Variants in CNTN5 observed in about 807,000 individuals in gnomAD.
CNTN5 encodes the protein contactin 5, also known as contactin-5.
CNTN5 carries 77 observed loss-of-function variants against 129.1 expected under a neutral mutation model. The observed-to-expected ratio is 0.60, with a 90% CI of 0.50 to 0.72. The LOEUF (loss-of-function observed/expected upper bound fraction) is 0.72, where lower values mean the gene tolerates loss of function less well. CNTN5 is among the 30% of genes least tolerant of loss of function. The probability of loss-of-function intolerance (pLI) is 0.00; values close to 1 mark genes in which losing one functional copy is unlikely to be tolerated. For missense variants in CNTN5, 1,478 were observed against 1,328.8 expected, an observed-to-expected ratio of 1.11 and a Z score of -1.75; for synonymous variants, 509 against 465.6, an observed-to-expected ratio of 1.09 and a Z score of -1.20.
At chr11:99,379,190 T>TC (rs1037423980) in intron 2 of CNTN5, among the ~76,000 whole-genome samples, 1 of 150,446 alleles carries the variant, frequency 6.6e-6, no homozygotes, top group African/African-American at 2.4e-5. Context: ...CTTTTTTTTT[T>TC]TTTACTGTTG....
At chr11:99,915,611 C>A (rs1340726064) in intron 6 of CNTN5, among the ~76,000 whole-genome samples, 2 of 152,154 alleles carry the variant, frequency 1.3e-5, no homozygotes, top group Non-Finnish European at 2.9e-5. Flanking sequence ...TTGGCATGCT[C>A]ATGCTTGGTT....
At chr11:99,185,740 T>C (rs915827941) in intron 1 of CNTN5, among the ~76,000 whole-genome samples, 2 of 151,718 alleles carry the variant, frequency 1.3e-5, no homozygotes, top group Non-Finnish European at 3.0e-5. Context: ...TATTTTTCTC[T>C]TTGGTGAAAA....
intron 13 of CNTN5, among the ~76,000 whole-genome samples, chr11:100,112,754 AAAG>A (rs1474146408): frequency 4.6e-5 from 7 of 152,186 alleles, no homozygotes; most frequent in Non-Finnish European, 1.0e-4. Context: ...GTTTAAAAAT[AAAG>A]AAGTGAAAGT....
intron 2 of CNTN5, among the ~76,000 whole-genome samples, chr11:99,502,599 C>G (rs537699459): frequency 8.2e-4 from 125 of 152,224 alleles, no homozygotes; most frequent in African/African-American, 2.9e-3. Context: ...TGAGACCTCC[C>G]CAAGCATGCT....
chr11:100,267,854 G>T (rs1259837428), intron 17 of CNTN5, among the ~76,000 whole-genome samples: 3 of 152,248 alleles, frequency 2.0e-5, no homozygotes, highest in South Asian at 4.1e-4. Flanking sequence ...AGTGAAGAGT[G>T]ACTAAACTAT....
At position 100,204,876 on chromosome 11, in the gene CNTN5, G is replaced by A. The variant is rs1948881926; in HGVS notation, c.1884+11213G>A. Among the ~76,000 whole-genome samples the A allele has an allele frequency of 2.0e-5, 3 of 151,954 alleles. 1 individual carries two copies. In the South Asian group the frequency reaches 6.2e-4, roughly 31 times the overall value. ...AGGAGAATGCCCTACATATATGTAT[G>A]TATCTAGGAGATATAATTTAACCTG... On this transcript the variant is annotated intron_variant, in intron 15 of 24. Coordinates refer to ENST00000524871, the MANE Select transcript of CNTN5 (RefSeq NM_014361.4).
intron 3 of CNTN5, among the ~76,000 whole-genome samples, chr11:99,722,947 A>C (rs1432662961): frequency 6.6e-6 from 1 of 152,016 alleles, no homozygotes; most frequent in Non-Finnish European, 1.5e-5. Context: ...TTCCATTGTC[A>C]CTTCATAGAT....
intron 3 of CNTN5, among the ~76,000 whole-genome samples, chr11:99,812,967 T>C (rs1480664059): frequency 1.3e-5 from 2 of 151,956 alleles, no homozygotes; most frequent in Admixed American, 1.3e-4. Flanking sequence ...TTTGTTTGTT[T>C]AATGTTCCTC....
intron 6 of CNTN5, among the ~76,000 whole-genome samples, chr11:99,846,068 C>G (rs1287756523): frequency 6.6e-6 from 1 of 151,436 alleles, no homozygotes. Flanking sequence ...TTGACTATAT[C>G]TCCTAGATGT....
intron 9 of CNTN5, among the ~76,000 whole-genome samples, chr11:100,028,054 T>C (rs542750756): frequency 6.6e-6 from 1 of 152,216 alleles, no homozygotes; most frequent in African/African-American, 2.4e-5. Flanking sequence ...ATTTTACCTG[T>C]CCTTATTTGA....
chr11:99,124,245 T>G (rs1858505820), intron 1 of CNTN5, among the ~76,000 whole-genome samples: 1 of 152,116 alleles, frequency 6.6e-6, no homozygotes, highest in East Asian at 1.9e-4. Flanking sequence ...AGCTTTCCTT[T>G]TCCTGGTTAG....
intron 1 of CNTN5, among the ~76,000 whole-genome samples, chr11:99,084,696 G>A (rs974320674): frequency 6.6e-6 from 1 of 151,972 alleles, no homozygotes; most frequent in African/African-American, 2.4e-5. Flanking sequence ...TAGTGAGCTG[G>A]TAATATTGTG....
chr11:99,993,166 T>C (rs7106240), intron 8 of CNTN5, among the ~76,000 whole-genome samples: 2 of 151,976 alleles, frequency 1.3e-5, no homozygotes, highest in Admixed American at 1.3e-4. Flanking sequence ...AAATAAACCA[T>C]GTAGCCAAGT....
At chr11:99,310,511 C>G (rs1210793145) in intron 1 of CNTN5, among the ~76,000 whole-genome samples, 1 of 151,824 alleles carries the variant, frequency 6.6e-6, no homozygotes, top group Admixed American at 6.6e-5. Flanking sequence ...ACCTTTTTGC[C>G]CTTCTTTACC....
intron 3 of CNTN5, among the ~76,000 whole-genome samples, chr11:99,737,484 CTCAGAA>C (rs1022534471): frequency 6.6e-6 from 1 of 152,032 alleles, no homozygotes; most frequent in African/African-American, 2.4e-5. Context: ...GATATCTAGA[CTCAGAA>C]TCAGAATTTA....
intron 6 of CNTN5, among the ~76,000 whole-genome samples, chr11:99,851,070 T>C (rs9804491): frequency 0.91 from 139,097 of 152,134 alleles, 63,825 homozygotes; most frequent in South Asian, 0.97. Context: ...AGCTGCTCTG[T>C]AGTGGTTCAT....
rs546888640 is a variant in CNTN5, at chr11:99,580,956, C to T, written c.55+24687C>T. 5.5e-5 allele frequency among the ~76,000 whole-genome samples: 8 copies of T among 146,652 alleles called. No homozygotes were observed. The South Asian group carries it at 9.3e-4, about 17-fold the overall frequency. ...CAATTTTAGATCTTTCCTGCTTTCT[C>T]TTGTGGGCATTTAGTGCTATAAATT... On this transcript the variant is annotated intron_variant, in intron 3 of 24. Transcript: ENST00000524871.
intron 3 of CNTN5, among the ~76,000 whole-genome samples, chr11:99,746,763 GGCTGGGGACT>G (rs1944068822): frequency 6.6e-6 from 1 of 152,192 alleles, no homozygotes; most frequent in Non-Finnish European, 1.5e-5. Flanking sequence ...AGCCCTGTGT[GGCTGGGGACT>G]GCTGGTCTAC....
intron 3 of CNTN5, among the ~76,000 whole-genome samples, chr11:99,726,425 A>G (rs1943340837): frequency 6.6e-6 from 1 of 152,180 alleles, no homozygotes; most frequent in Admixed American, 6.5e-5. Context: ...TGAAGCAAGG[A>G]GAGTTTGATA....
Sources: allele counts gnomAD v4.1 joint callset (sites outside exome capture counted in the v4.1 genomes callset), GRCh38; gene constraint gnomAD v4.1.1; transcripts MANE v1.5; gene names NCBI Gene and HGNC (gene_info 2026-07-23, HGNC 2026-07-21).